Variants in DSCAM observed in about 807,000 individuals in gnomAD.
DSCAM encodes the protein cell adhesion molecule DSCAM.
Under a neutral mutation model 217.7 loss-of-function variants are expected in DSCAM, and 47 were observed. The observed-to-expected ratio is 0.22, with a 90% CI of 0.17 to 0.28. DSCAM has a LOEUF of 0.28. Ranked by LOEUF, DSCAM falls within the 10% of genes least tolerant of loss-of-function variation. The pLI is 1.00. For missense variants in DSCAM, 2,080 were observed against 2,618.3 expected (o/e 0.79, Z 4.49); for synonymous variants, 1,056 against 1,015.3 (o/e 1.04, Z -0.76).
intron 1 of DSCAM, among the ~76,000 whole-genome samples, chr21:40,764,612 A>G (rs531220602): frequency 6.6e-6 from 1 of 152,350 alleles, no homozygotes; most frequent in South Asian, 2.1e-4. Flanking sequence ...ATATACCCAA[A>G]GGATTAGAAA....
At chr21:40,531,587 G>C (rs755668231) in intron 3 of DSCAM, among the ~76,000 whole-genome samples, 14 of 152,210 alleles carry the variant, frequency 9.2e-5, no homozygotes, top group Admixed American at 3.3e-4. Context: ...AGGAAGAACA[G>C]AGCAGATTCC....
chr21:40,670,646 T>A (rs1216656618), intron 3 of DSCAM, among the ~76,000 whole-genome samples: 1 of 152,234 alleles, frequency 6.6e-6, no homozygotes, highest in Admixed American at 6.5e-5. Context: ...TCAAGATTGT[T>A]GTGGCATATG....
intron 32 of DSCAM, among the ~76,000 whole-genome samples, chr21:40,030,075 T>C (rs1024932635): frequency 2.0e-5 from 3 of 152,230 alleles, no homozygotes; most frequent in Non-Finnish European, 4.4e-5. Flanking sequence ...TTGACACACA[T>C]GCACATGTAC....
chr21:40,381,459 G>C (rs979715802), intron 3 of DSCAM, among the ~76,000 whole-genome samples: 2 of 152,072 alleles, frequency 1.3e-5, no homozygotes, highest in South Asian at 4.1e-4. Flanking sequence ...TCCAGTTGTG[G>C]GTGCACAATA....
chr21:40,098,803 A>G (rs1396361040), intron 20 of DSCAM, among the ~76,000 whole-genome samples: 1 of 152,132 alleles, frequency 6.6e-6, no homozygotes, highest in Admixed American at 6.5e-5. Context: ...TCTTGCATGG[A>G]TTCCCTAGAT....
At position 40,044,849 on chromosome 21, in the gene DSCAM, C is replaced by A. The variant is rs995205568; in HGVS notation, c.5186-574G>T. Among the ~76,000 whole-genome samples, 6 of 152,180 alleles carry A rather than the reference C, an allele frequency of 3.9e-5. 1 individual carries two copies. The highest frequency in any genetic ancestry group is 2.0e-4 in the Admixed American group (3 of 15,282). On this transcript the variant is annotated intron_variant, in intron 30 of 32. Coordinates refer to ENST00000400454, the MANE Select transcript of DSCAM (RefSeq NM_001389.5). ...CTCAGCCCAGTGTGTTCTAACATGA[C>A]CTCCTTTCTACATCCTTAGGTGTTG...
At chr21:40,633,027 T>C (rs1161587913) in intron 3 of DSCAM, among the ~76,000 whole-genome samples, 2 of 152,236 alleles carry the variant, frequency 1.3e-5, no homozygotes, top group African/African-American at 4.8e-5. Flanking sequence ...AACTTAATTA[T>C]CCATTTCCTG....
intron 11 of DSCAM, among the ~76,000 whole-genome samples, chr21:40,224,248 C>G (rs1430955509): frequency 6.6e-6 from 1 of 152,144 alleles, no homozygotes; most frequent in African/African-American, 2.4e-5. Flanking sequence ...TGAACACCAA[C>G]ACTATTTCAA....
At chr21:40,053,959 A>G (rs2088974194) in intron 29 of DSCAM, among the ~76,000 whole-genome samples, 1 of 152,196 alleles carries the variant, frequency 6.6e-6, no homozygotes, top group South Asian at 2.1e-4. Context: ...TCCACAAACT[A>G]TGTAACCTCT....
rs549705965 is a variant in DSCAM at position 40,698,309 on chromosome 21, G to A, written c.362-5353C>T. ...ATGGCTCATGCACCTAGAAGGTCACGATAAGCAAACAGAATGTAGACGAGG... is the reference window on the plus strand; with the variant it reads ...ATGGCTCATGCACCTAGAAGGTCACAATAAGCAAACAGAATGTAGACGAGG... On this transcript the variant is annotated intron_variant, in intron 2 of 32. Coordinates refer to ENST00000400454, the MANE Select transcript of DSCAM (RefSeq NM_001389.5). 2.7e-4 allele frequency among the ~76,000 whole-genome samples: 41 copies of A among 152,286 alleles called. 1 individual carries two copies. The South Asian group carries it at 5.6e-3, about 21-fold the overall frequency.
intron 3 of DSCAM, among the ~76,000 whole-genome samples, chr21:40,613,558 A>T (rs965164923): frequency 6.6e-6 from 1 of 152,200 alleles, no homozygotes; most frequent in Non-Finnish European, 1.5e-5. Context: ...TAATTCATCA[A>T]TATAATGCAA....
At chr21:40,479,787 T>C (rs1342199065) in intron 3 of DSCAM, among the ~76,000 whole-genome samples, 1 of 152,180 alleles carries the variant, frequency 6.6e-6, no homozygotes, top group Non-Finnish European at 1.5e-5. Context: ...ATTCTCCACA[T>C]GGACTGACAT....
chr21:40,302,464 T>C (rs910352202), intron 9 of DSCAM, among the ~76,000 whole-genome samples: 2 of 152,284 alleles, frequency 1.3e-5, no homozygotes, highest in South Asian at 2.1e-4. Flanking sequence ...TCTTTTTCTT[T>C]ATAAATTAGC....
chr21:40,096,463 G>A (rs1322838766), intron 20 of DSCAM, among the ~76,000 whole-genome samples: 2 of 151,992 alleles, frequency 1.3e-5, no homozygotes, highest in African/African-American at 4.8e-5. Context: ...AGATATTTGA[G>A]GTTCACAACA....
chr21:40,167,335 G>A, intron 15 of DSCAM, 47 bp from the exon 16 acceptor site: 1 of 1,567,274 alleles, frequency 6.4e-7, no homozygotes, highest in Non-Finnish European at 8.8e-7. Context: ...GCTTTCCGGA[G>A]CAGATCGAAG....
intron 16 of DSCAM, among the ~76,000 whole-genome samples, chr21:40,153,550 G>A (rs887386111): frequency 6.6e-6 from 1 of 152,156 alleles, no homozygotes; most frequent in African/African-American, 2.4e-5. Context: ...AGGGGTGGGG[G>A]ACGGTACAAG....
chr21:40,780,421 G>GTGTATATATATATATATATATATA (rs2091531209), intron 1 of DSCAM, among the ~76,000 whole-genome samples: 1 of 48,040 alleles, frequency 2.1e-5, no homozygotes, highest in African/African-American at 1.3e-4. Context: ...GTGTGTGTGT[G>GTGTATATATATATATATATATATA]TGTATATATA....
At chr21:40,146,222 C>T (rs942326778) in intron 16 of DSCAM, among the ~76,000 whole-genome samples, 1 of 138,126 alleles carries the variant, frequency 7.2e-6, no homozygotes, top group African/African-American at 2.6e-5. Flanking sequence ...TATGGGTGGT[C>T]TGAAGTGGTG....
At chr21:40,273,320 C>G (rs540500425) in intron 11 of DSCAM, among the ~76,000 whole-genome samples, 1 of 152,288 alleles carries the variant, frequency 6.6e-6, no homozygotes, top group African/African-American at 2.4e-5. Flanking sequence ...TACAAACAGT[C>G]ATGAAGAGGT....
Sources: gnomAD v4.1 joint callset for allele counts (sites outside exome capture counted in the v4.1 genomes callset) on GRCh38, gnomAD v4.1.1 for gene constraint, MANE v1.5 for transcripts, NCBI Gene and HGNC (gene_info 2026-07-23, HGNC 2026-07-21) for gene names.